The following CISD2 variants were observed in gnomAD, a reference collection of about 807,000 sequenced individuals.
CISD2 encodes the protein CDGSH iron-sulfur domain-containing protein 2.
Under a neutral mutation model 12.9 loss-of-function variants are expected in CISD2, and 1 was observed. That is an observed-to-expected ratio of 0.08 (90% CI 0.03 to 0.37). CISD2 has a LOEUF of 0.37. CISD2 is among the 10% of genes least tolerant of loss of function. The probability of loss-of-function intolerance (pLI) is 0.99; values close to 1 mark genes in which losing one functional copy is unlikely to be tolerated. For missense variants in CISD2, 97 were observed against 163.1 expected, an observed-to-expected ratio of 0.59 and a Z score of 2.21; for synonymous variants, 50 against 60.6, an observed-to-expected ratio of 0.83 and a Z score of 0.81.
At position 102,888,520 on chromosome 4, in the gene CISD2, G is replaced by T. The variant is rs751473599; in HGVS notation, c.*1090G>T. 1 of 152,212 alleles carries T rather than the reference G, an allele frequency of 6.6e-6. No individual in the cohort carries two copies. Among genetic ancestry groups the T allele is most frequent in the Non-Finnish European group, 1.5e-5 (1 of 68,040 alleles). 9.4% of individuals were successfully genotyped at this position (152,212 alleles called of 1,614,324 possible). A position where few individuals can be genotyped will look rare whatever the true frequency, so the allele number is the denominator to read the frequency against. The stretch of plus-strand genomic sequence containing the variant: ...CACCCAGTTCAAACCCGTGTGTAAG[G>T]GTCAACTGTACAAAAAAGTTTGTGA... On this transcript the variant is annotated 3_prime_UTR_variant, in exon 3 of 3. Transcript: ENST00000273986.
intron 1 of CISD2, chr4:102,869,522 T>C (rs1291320944): frequency 2.8e-6 from 2 of 702,460 alleles, no homozygotes; most frequent in South Asian, 3.0e-5. Context: ...TGTAGCGTAC[T>C]TGTTTATTTT....
In CISD2 at chr4:102,890,192, A is replaced by G. The variant is rs540036719; in HGVS notation, c.*2762A>G. 4 of 152,338 alleles carry G rather than the reference A, an allele frequency of 2.6e-5. No homozygotes were observed. The highest frequency in any genetic ancestry group is 6.5e-5 in the Admixed American group (1 of 15,306). The allele number at this position is 152,338 out of a possible 1,614,324, so 9.4% of individuals were successfully genotyped here. ...TTCACACAATTCAGCTTTGAGTTCA[A>G]TGCCAAATACGATGATTCATTAAGT... On this transcript the variant is annotated 3_prime_UTR_variant, in exon 3 of 3. Coordinates refer to ENST00000273986, the MANE Select transcript of CISD2 (RefSeq NM_001008388.5).
At chr4:102,872,617 A>C (rs779048738) in intron 1 of CISD2, among the ~76,000 whole-genome samples, 8 of 152,186 alleles carry the variant, frequency 5.3e-5, no homozygotes, top group Non-Finnish European at 8.8e-5. Flanking sequence ...TGTGGAATGT[A>C]ATTCCTCATT....
At chr4:102,879,923 CTCTT>C (rs1733675808) in intron 1 of CISD2, among the ~76,000 whole-genome samples, 2 of 152,034 alleles carry the variant, frequency 1.3e-5, no homozygotes, top group Admixed American at 1.3e-4. Context: ...CCTTGTATCT[CTCTT>C]TTTCTTTTAT....
At chr4:102,886,820 G>A (rs570738822) in intron 2 of CISD2, among the ~76,000 whole-genome samples, 65 of 152,150 alleles carry the variant, frequency 4.3e-4, no homozygotes, top group African/African-American at 1.5e-3. Flanking sequence ...TTACCATGTT[G>A]GCCAGACTAG....
rs1463332019 is a variant in CISD2, at chr4:102,888,421, C to T, written c.*991C>T. The T allele has an allele frequency of 6.6e-6, 1 of 152,162 alleles. No individual in the cohort carries two copies. Among genetic ancestry groups the T allele is most frequent in the Non-Finnish European group, 1.5e-5 (1 of 68,034 alleles). 9.4% of individuals were successfully genotyped at this position (152,162 alleles called of 1,614,324 possible). A position where few individuals can be genotyped will look rare whatever the true frequency, so the allele number is the denominator to read the frequency against. ...TGACCCTCCGTACACATGAGTTTCA[C>T]ATCCCATGCACAAATGCTGATCTGT... is the stretch of plus-strand genomic sequence containing the variant. On this transcript the variant is annotated 3_prime_UTR_variant, in exon 3 of 3. Transcript: ENST00000273986.
intron 1 of CISD2, among the ~76,000 whole-genome samples, chr4:102,873,728 C>CAAAAAAAAAA (rs35907341): frequency 1.3e-5 from 1 of 78,428 alleles, no homozygotes; most frequent in Admixed American, 1.5e-4. Flanking sequence ...GAAACCGTCT[C>CAAAAAAAAAA]AAAAAAAAAA....
intron 2 of CISD2, 113 bp downstream of exon 2, chr4:102,885,543 G>A: frequency 2.4e-6 from 2 of 816,964 alleles, no homozygotes; most frequent in Non-Finnish European, 4.1e-6. Context: ...GTAATATTTG[G>A]TATTGAAAGA....
At chr4:102,873,730 A>C (rs1281026236) in intron 1 of CISD2, among the ~76,000 whole-genome samples, 1 of 36,070 alleles carries the variant, frequency 2.8e-5, no homozygotes, top group African/African-American at 3.3e-4. Context: ...AACCGTCTCA[A>C]AAAAAAAAAA....
At chr4:102,876,573 C>T (rs1399697231) in intron 1 of CISD2, among the ~76,000 whole-genome samples, 1 of 152,028 alleles carries the variant, frequency 6.6e-6, no homozygotes, top group Non-Finnish European at 1.5e-5. Context: ...CATGGTGAAA[C>T]CCCATCTGTA....
At position 102,891,272 on chromosome 4, in the gene CISD2, T is replaced by C. The variant is rs542850610; in HGVS notation, c.*3842T>C. On this transcript the variant is annotated 3_prime_UTR_variant, in exon 3 of 3. Coordinates refer to ENST00000273986, the MANE Select transcript of CISD2 (RefSeq NM_001008388.5). ...ACTTCACATTGAATTCTAACAAGTT[T>C]GGTTATCTGATTTCTGCTTCTTAAC... 197 of 152,266 alleles carry C rather than the reference T, an allele frequency of 1.3e-3. 1 individual carries two copies. The highest frequency in any genetic ancestry group is 4.6e-3 in the African/African-American group (190 of 41,530). The allele number at this position is 152,266 out of a possible 1,614,324, so 9.4% of individuals were successfully genotyped here.
intron 2 of CISD2, among the ~76,000 whole-genome samples, chr4:102,886,977 ATAAT>A (rs2110403122): frequency 6.6e-6 from 1 of 152,358 alleles, no homozygotes; most frequent in African/African-American, 2.4e-5. Flanking sequence ...AGAAAAAATT[ATAAT>A]TTATTTTGAA....
chr4:102,880,990 C>CAA (rs539473255), intron 1 of CISD2, among the ~76,000 whole-genome samples: 8 of 99,028 alleles, frequency 8.1e-5, no homozygotes, highest in South Asian at 3.2e-4. Context: ...GACGCTGTCT[C>CAA]AAAAAAAAAA....
At chr4:102,875,016 A>T (rs1290109307) in intron 1 of CISD2, among the ~76,000 whole-genome samples, 1 of 152,234 alleles carries the variant, frequency 6.6e-6, no homozygotes, top group Non-Finnish European at 1.5e-5. Flanking sequence ...GTTTCCTATT[A>T]TGCACAGGTT....
In CISD2 at chr4:102,890,674, C is replaced by G. The variant is rs772850139; in HGVS notation, c.*3244C>G. 6.6e-6 allele frequency: 1 copy of G among 151,610 alleles called. No individual in the cohort carries two copies. The highest frequency in any genetic ancestry group is 1.5e-5 in the Non-Finnish European group (1 of 67,972). The allele number at this position is 151,610 out of a possible 1,614,324, so 9.4% of individuals were successfully genotyped here. ...TGGGCAACGTGGTGAGATCTCATCTCTACAGAAAAATGCAAAAATTAGCCG... is the reference window on the plus strand; with the variant it reads ...TGGGCAACGTGGTGAGATCTCATCTGTACAGAAAAATGCAAAAATTAGCCG... On this transcript the variant is annotated 3_prime_UTR_variant, in exon 3 of 3. Transcript: ENST00000273986.
intron 1 of CISD2, among the ~76,000 whole-genome samples, chr4:102,873,514 A>G (rs937615807): frequency 5.3e-5 from 8 of 152,062 alleles, no homozygotes; most frequent in African/African-American, 1.2e-4. Flanking sequence ...AGCTTAAGCT[A>G]TCCACTCACC....
Position 102,885,403 on chromosome 4 carries a change from T to G in CISD2, c.291T>G (p.Ala97=). The change falls in exon 2 of 3, where the codon GCT becomes GCG. Residue 97 remains alanine, a synonymous_variant. Transcript: ENST00000273986. ...NIEDLCLTKA[A]YCRCWRSKTF... ...AAGATTTGTGTCTTACTAAAGCAGC[T>G]TATTGTAGGTGTTGGCGTTCTAAAA... The G allele has an allele frequency of 1.2e-6, 2 of 1,614,072 alleles. No homozygotes were observed. Among genetic ancestry groups the G allele is most frequent in the South Asian group, 1.1e-5 (1 of 91,054 alleles).
Position 102,889,044 on chromosome 4 carries a change from T to C in CISD2, c.*1614T>C, listed in dbSNP as rs974462784. The C allele has an allele frequency of 2.0e-5, 3 of 152,260 alleles. No individual in the cohort carries two copies. The highest frequency in any genetic ancestry group is 2.9e-5 in the Non-Finnish European group (2 of 68,046). The allele number at this position is 152,260 out of a possible 1,614,324, so 9.4% of individuals were successfully genotyped here. The stretch of plus-strand genomic sequence containing the variant: ...CACTTGTATGTACCAGACACTACAC[T>C]AAGCATGGTACTTGGGTTTTTAATT... On this transcript the variant is annotated 3_prime_UTR_variant, in exon 3 of 3. Coordinates refer to ENST00000273986, the MANE Select transcript of CISD2 (RefSeq NM_001008388.5).
chr4:102,882,482 C>T (rs1480960665), intron 1 of CISD2, among the ~76,000 whole-genome samples: 1 of 152,068 alleles, frequency 6.6e-6, no homozygotes, highest in Non-Finnish European at 1.5e-5. Flanking sequence ...ATGAAGAGAC[C>T]ATGTTTGTGG....
Sources: gnomAD v4.1 joint callset for allele counts (sites outside exome capture counted in the v4.1 genomes callset) on GRCh38, gnomAD v4.1.1 for gene constraint, MANE v1.5 for transcripts, NCBI Gene and HGNC (gene_info 2026-07-23, HGNC 2026-07-21) for gene names.